The following SCFD2 variants were observed in gnomAD, a reference collection of about 807,000 sequenced individuals.
The protein encoded by SCFD2 is sec1 family domain-containing protein 2.
In SCFD2, 54 loss-of-function variants were observed where a neutral mutation model predicts 58.9. The observed-to-expected ratio is 0.92, with a 90% confidence interval of 0.74 to 1.15. The LOEUF is 1.15. Ranked by LOEUF, SCFD2 falls within the 50% of genes most tolerant of loss-of-function variation. The pLI, the probability that SCFD2 is intolerant of heterozygous loss-of-function variation, is 0.00. For missense variants in SCFD2, 805 were observed against 836.6 expected (o/e 0.96, Z 0.47); for synonymous variants, 321 against 335.9 (o/e 0.96, Z 0.49).
At chr4:53,277,439 C>T (rs1370744599) in intron 3 of SCFD2, among the ~76,000 whole-genome samples, 1 of 152,056 alleles carries the variant, frequency 6.6e-6, no homozygotes, top group Admixed American at 6.6e-5. Flanking sequence ...TCTATCAAGA[C>T]AAACATTCAT....
intron 4 of SCFD2, among the ~76,000 whole-genome samples, chr4:53,260,367 G>A (rs770570007): frequency 2.6e-5 from 4 of 152,086 alleles, no homozygotes; most frequent in East Asian, 1.9e-4. Context: ...CAGTGGGTTC[G>A]TCATGGACAA....
intron 5 of SCFD2, among the ~76,000 whole-genome samples, chr4:53,053,640 A>G (rs1405169558): frequency 6.6e-6 from 1 of 151,974 alleles, no homozygotes; most frequent in Non-Finnish European, 1.5e-5. Flanking sequence ...ATGCCATCCC[A>G]TTGCTCACCT....
rs542846077 is a variant in SCFD2 at position 53,249,712 on chromosome 4, A to AT, written c.1311+24113dup. On this transcript the variant is annotated intron_variant, in intron 4 of 8. Coordinates refer to ENST00000401642, the MANE Select transcript of SCFD2 (RefSeq NM_152540.4). ...TTCATATCCAGCCAAACTAACCTTC[A>AT]TAAGAGAAGGAGAAATAAAATACAG... Among the ~76,000 whole-genome samples the AT allele has an allele frequency of 3.3e-3, 503 of 152,318 alleles. 3 individuals are homozygous for AT. Among genetic ancestry groups the AT allele is most frequent in the African/African-American group, 0.012 (481 of 41,560 alleles).
chr4:52,881,525 C>T (rs1444688762), intron 8 of SCFD2, among the ~76,000 whole-genome samples: 1 of 152,192 alleles, frequency 6.6e-6, no homozygotes, highest in African/African-American at 2.4e-5. Flanking sequence ...GCATAAAAGA[C>T]AATGCCTGGC....
At chr4:53,014,115 T>C (rs1252142341) in intron 5 of SCFD2, among the ~76,000 whole-genome samples, 3 of 152,082 alleles carry the variant, frequency 2.0e-5, no homozygotes, top group Non-Finnish European at 4.4e-5. Context: ...GGGAGGTAAA[T>C]GGGTGGACCT....
intron 4 of SCFD2, among the ~76,000 whole-genome samples, chr4:53,214,696 C>T (rs1306852470): frequency 6.6e-6 from 1 of 152,090 alleles, no homozygotes; most frequent in East Asian, 1.9e-4. Flanking sequence ...GTTGCCATTG[C>T]TTTCGGTGTT....
At chr4:53,120,762 T>C (rs778731495) in intron 5 of SCFD2, among the ~76,000 whole-genome samples, 33 of 152,208 alleles carry the variant, frequency 2.2e-4, no homozygotes, top group Non-Finnish European at 1.0e-4. Flanking sequence ...CAAAGTTTAA[T>C]GTCCCCCAGA....
intron 5 of SCFD2, among the ~76,000 whole-genome samples, chr4:52,936,158 G>A (rs563298427): frequency 5.3e-5 from 8 of 152,184 alleles, no homozygotes; most frequent in Middle Eastern, 3.4e-3. Context: ...TTTCATGGCT[G>A]TCTAAATGAC....
At chr4:53,034,847 AT>A (rs1722715503) in intron 5 of SCFD2, among the ~76,000 whole-genome samples, 1 of 152,240 alleles carries the variant, frequency 6.6e-6, no homozygotes, top group Non-Finnish European at 1.5e-5. Flanking sequence ...ATGTAAGAAC[AT>A]TCCATGCTCA....
At chr4:52,969,420 G>A (rs1430785712) in intron 5 of SCFD2, among the ~76,000 whole-genome samples, 2 of 152,164 alleles carry the variant, frequency 1.3e-5, no homozygotes, top group Non-Finnish European at 2.9e-5. Context: ...GGAAATTAGA[G>A]TTCATGACAG....
intron 8 of SCFD2, among the ~76,000 whole-genome samples, chr4:52,880,925 A>G (rs1425373846): frequency 1.3e-5 from 2 of 152,222 alleles, no homozygotes; most frequent in Admixed American, 1.3e-4. Flanking sequence ...GCATCAAGTG[A>G]GTGAGGAGAG....
At chr4:53,198,252 C>G (rs1349724304) in intron 4 of SCFD2, among the ~76,000 whole-genome samples, 1 of 152,020 alleles carries the variant, frequency 6.6e-6, no homozygotes, top group Non-Finnish European at 1.5e-5. Flanking sequence ...AATCAAACCT[C>G]CTATCATCTT....
chr4:52,948,601 T>A (rs543486248), intron 5 of SCFD2: 8 of 452,442 alleles, frequency 1.8e-5, no homozygotes, highest in Middle Eastern at 6.6e-4. Context: ...GCCAAGTCTC[T>A]TTACTGCAAC....
intron 2 of SCFD2, among the ~76,000 whole-genome samples, chr4:53,335,413 G>A (rs1733652783): frequency 6.6e-6 from 1 of 152,140 alleles, no homozygotes; most frequent in African/African-American, 2.4e-5. Flanking sequence ...AAGAGGGAAT[G>A]ACAAGTGAAT....
chr4:52,912,879 C>A (rs1215333373), intron 6 of SCFD2, among the ~76,000 whole-genome samples: 1 of 152,148 alleles, frequency 6.6e-6, no homozygotes, highest in Admixed American at 6.5e-5. Context: ...ATAGTGGAGA[C>A]AGATGTGATT....
intron 2 of SCFD2, among the ~76,000 whole-genome samples, chr4:53,351,617 G>A (rs181321514): frequency 2.0e-5 from 3 of 152,276 alleles, no homozygotes; most frequent in East Asian, 3.9e-4. Flanking sequence ...ACAGTTAAAT[G>A]TGTTTCCAAT....
At chr4:53,144,486 A>G (rs1226295731) in intron 5 of SCFD2, among the ~76,000 whole-genome samples, 1 of 147,804 alleles carries the variant, frequency 6.8e-6, no homozygotes, top group Non-Finnish European at 1.5e-5. Flanking sequence ...ACAGGTGTGT[A>G]TATATATACA....
chr4:53,320,683 A>C (rs1577964859), intron 2 of SCFD2, among the ~76,000 whole-genome samples: 1 of 152,196 alleles, frequency 6.6e-6, no homozygotes, highest in African/African-American at 2.4e-5. Flanking sequence ...TCACATGCAC[A>C]AATTTGATTA....
intron 5 of SCFD2, among the ~76,000 whole-genome samples, chr4:53,004,736 G>GACCC (rs1721936008): frequency 6.6e-6 from 1 of 152,068 alleles, no homozygotes. Context: ...GAAACTTCCT[G>GACCC]TGGTGAATCC....
Sources: gnomAD v4.1 joint callset for allele counts (sites outside exome capture counted in the v4.1 genomes callset) on GRCh38, gnomAD v4.1.1 for gene constraint, MANE v1.5 for transcripts, NCBI Gene and HGNC (gene_info 2026-07-23, HGNC 2026-07-21) for gene names.